The following APBA2 variants were observed in gnomAD, a reference collection of about 807,000 sequenced individuals.
The protein encoded by APBA2 is amyloid beta precursor protein binding family A member 2, also known as amyloid-beta A4 precursor protein-binding family A member 2.
In APBA2, 30 loss-of-function variants were observed where a neutral mutation model predicts 75.0. The observed-to-expected ratio is 0.40, with a 90% CI of 0.30 to 0.54. The LOEUF (loss-of-function observed/expected upper bound fraction) is 0.54, where lower values mean the gene tolerates loss of function less well. Among genes scored for constraint, APBA2 ranks in the 20% least tolerant of loss-of-function variants. The pLI, the probability that APBA2 is intolerant of heterozygous loss-of-function variation, is 0.49. For missense variants in APBA2, 801 were observed against 1,016.1 expected, an observed-to-expected ratio of 0.79 and a Z score of 2.88; for synonymous variants, 444 against 409.6, an observed-to-expected ratio of 1.08 and a Z score of -1.01.
chr15:29,028,154 C>T (rs997906269), intron 3 of APBA2, among the ~76,000 whole-genome samples: 5 of 152,008 alleles, frequency 3.3e-5, no homozygotes, highest in East Asian at 1.9e-4. Context: ...CTCCCTCCCC[C>T]GATCCCACCC....
chr15:28,909,485 G>T (rs2033324647), intron 1 of APBA2, among the ~76,000 whole-genome samples: 1 of 152,218 alleles, frequency 6.6e-6, no homozygotes, highest in South Asian at 2.1e-4. Flanking sequence ...TGTATGGATA[G>T]ACCATGTTTT....
chr15:28,969,817 G>C (rs1395886769), intron 2 of APBA2, among the ~76,000 whole-genome samples: 2 of 152,220 alleles, frequency 1.3e-5, no homozygotes, highest in African/African-American at 2.4e-5. Context: ...TCATTTCCTG[G>C]TTCCTGGAAT....
At chr15:29,108,489 G>A (rs769241953) in intron 13 of APBA2, 100 bp downstream of exon 13, 1 of 1,588,212 alleles carries the variant, frequency 6.3e-7, no homozygotes, top group South Asian at 1.1e-5. Flanking sequence ...TGGCAGCCTG[G>A]TAGGACCTGG....
chr15:29,036,827 C>T (rs2040776731), intron 3 of APBA2, among the ~76,000 whole-genome samples: 1 of 151,926 alleles, frequency 6.6e-6, no homozygotes, highest in Non-Finnish European at 1.5e-5. Context: ...TGAGACCAGC[C>T]CGGGCAACAT....
At chr15:28,890,655 C>T (rs1035859809) in intron 1 of APBA2, among the ~76,000 whole-genome samples, 2 of 152,174 alleles carry the variant, frequency 1.3e-5, no homozygotes, top group Non-Finnish European at 2.9e-5. Flanking sequence ...AGCTCAGTTC[C>T]AGCCTGGCCC....
At chr15:28,987,687 G>A (rs372434677) in intron 2 of APBA2, among the ~76,000 whole-genome samples, 3 of 144,808 alleles carry the variant, frequency 2.1e-5, no homozygotes, top group Admixed American at 7.0e-5. Flanking sequence ...AAGGAATTAG[G>A]TTCCACTCTT....
intron 3 of APBA2, among the ~76,000 whole-genome samples, chr15:29,045,819 C>T (rs934333486): frequency 6.6e-6 from 1 of 152,154 alleles, no homozygotes; most frequent in Non-Finnish European, 1.5e-5. Flanking sequence ...AGATTGTAGT[C>T]CTTGTTGCTG....
rs989064129 is a variant in APBA2 at position 28,886,029 on chromosome 15, A to G, written c.-454A>G. ...GCCGGGGCGGGGGCGCAGGCCCGGCAGCCGCAGGCCGGTGCGGGATGCGCC... is the reference window on the plus strand; with the variant it reads ...GCCGGGGCGGGGGCGCAGGCCCGGCGGCCGCAGGCCGGTGCGGGATGCGCC... On this transcript the variant is annotated 5_prime_UTR_variant, in exon 1 of 15. Transcript: ENST00000683413. 1 of 148,874 alleles carries G rather than the reference A, an allele frequency of 6.7e-6. No homozygotes were observed. Among genetic ancestry groups the G allele is most frequent in the African/African-American group, 2.4e-5 (1 of 40,896 alleles). 9.2% of individuals were successfully genotyped at this position (148,874 alleles called of 1,614,324 possible).
At chr15:29,098,632 C>T (rs2043969574) in intron 9 of APBA2, 56 bp downstream of exon 9, 3 of 1,412,946 alleles carry the variant, frequency 2.1e-6, no homozygotes, top group African/African-American at 2.8e-5. Flanking sequence ...TCGACTCCTT[C>T]TTGTCCCATG....
chr15:28,927,382 G>A (rs1336667102), intron 2 of APBA2, among the ~76,000 whole-genome samples: 2 of 149,786 alleles, frequency 1.3e-5, no homozygotes, highest in Non-Finnish European at 3.0e-5. Flanking sequence ...TACTCTATTT[G>A]GTGTTCTTTG....
At chr15:28,979,581 C>G (rs181847532) in intron 2 of APBA2, among the ~76,000 whole-genome samples, 1 of 152,172 alleles carries the variant, frequency 6.6e-6, no homozygotes, top group Non-Finnish European at 1.5e-5. Flanking sequence ...CAGTTCCTCC[C>G]CATTTGTGTC....
Position 29,098,543 on chromosome 15 carries a change from C to A in APBA2, c.1305C>A (p.Thr435=), listed in dbSNP as rs944085414. ...TLTEVDLFIS[T]QRIKVLNADT... is the part of the protein sequence containing the mutation. ...CGGAAGTGGACCTCTTCATTTCCACCCAGAGGATCAAGGTTTTAAATGCAG... is the reference window on the plus strand; with the variant it reads ...CGGAAGTGGACCTCTTCATTTCCACACAGAGGATCAAGGTTTTAAATGCAG... Residue 435 remains threonine (T), a synonymous_variant, in exon 9 of 15, where the codon ACC becomes ACA. Transcript: ENST00000683413. The A allele has an allele frequency of 6.2e-7, 1 of 1,614,058 alleles. No homozygotes were observed.
chr15:28,956,787 G>A (rs1428391253), intron 2 of APBA2, among the ~76,000 whole-genome samples: 2 of 152,136 alleles, frequency 1.3e-5, no homozygotes, highest in Non-Finnish European at 2.9e-5. Context: ...TGATTTTGAC[G>A]ACTTCAGGTG....
chr15:29,116,615 A>C (rs113969149), intron 14 of APBA2, among the ~76,000 whole-genome samples: 1 of 148,196 alleles, frequency 6.7e-6, no homozygotes, highest in South Asian at 2.2e-4. Context: ...GCGACAGAGC[A>C]AGACTCCGTC....
rs551460000 is a variant in APBA2 at position 29,115,048 on chromosome 15, G to C, written c.2178+1032G>C. On this transcript the variant is annotated intron_variant, in intron 14 of 14. Transcript: ENST00000683413. ...TGTGTGAAGGGGTGTTCAGCACAAA[G>C]GGGCTGCAGGCTCTCTGGGAAGCGT... Among the ~76,000 whole-genome samples the C allele has an allele frequency of 2.6e-5, 4 of 152,066 alleles. No homozygotes were observed. In the East Asian group the frequency reaches 7.7e-4, roughly 29 times the overall value.
intron 13 of APBA2, among the ~76,000 whole-genome samples, chr15:29,109,865 G>A (rs560642806): frequency 3.3e-5 from 5 of 152,322 alleles, no homozygotes; most frequent in South Asian, 2.1e-4. Context: ...GCTGGTCCTC[G>A]TCTCTGCCAA....
chr15:28,907,968 C>T (rs2033218872), intron 1 of APBA2, among the ~76,000 whole-genome samples: 1 of 152,116 alleles, frequency 6.6e-6, no homozygotes, highest in South Asian at 2.1e-4. Flanking sequence ...GTTTAAAAAC[C>T]TTAATGTTAT....
At chr15:29,108,192 C>T (rs1567024348) in intron 12 of APBA2, 78 bp from the exon 13 acceptor site, 4 of 1,604,156 alleles carry the variant, frequency 2.5e-6, no homozygotes, top group Non-Finnish European at 3.4e-6. Flanking sequence ...GCCTCCACCA[C>T]CCTGCCAGCC....
In APBA2 at chr15:29,018,505, CCTT is replaced by C. The variant is rs200815645; in HGVS notation, c.-41+22702_-41+22704del. ...GGCTTCCCGGGGAGGGGCCAGCAGT[CCTT>C]CTGCCAGACAAGTCATCAGGGCTGG... On this transcript the variant is annotated intron_variant, in intron 3 of 14. Coordinates refer to ENST00000683413, the MANE Select transcript of APBA2 (RefSeq NM_001353788.2). Among the ~76,000 whole-genome samples the C allele has an allele frequency of 7.0e-3, 1,071 of 152,260 alleles. 16 individuals carry two copies. The highest frequency in any genetic ancestry group is 0.023 in the African/African-American group (956 of 41,570).
Sources: gnomAD v4.1 joint callset for allele counts (sites outside exome capture counted in the v4.1 genomes callset) on GRCh38, gnomAD v4.1.1 for gene constraint, MANE v1.5 for transcripts, NCBI Gene and HGNC (gene_info 2026-07-23, HGNC 2026-07-21) for gene names.